Variants in ADK observed in about 807,000 individuals in gnomAD.
The protein encoded by ADK is adenosine kinase.
Under a neutral mutation model 44.7 loss-of-function variants are expected in ADK, and 24 were observed. That is an observed-to-expected ratio of 0.54 (90% CI 0.39 to 0.76). The LOEUF (loss-of-function observed/expected upper bound fraction) is 0.76. Among genes scored for constraint, ADK ranks in the 30% least tolerant of loss-of-function variants. The probability of loss-of-function intolerance (pLI) is 0.00; values close to 1 mark genes in which losing one functional copy is unlikely to be tolerated. For synonymous variants in ADK, 128 were observed against 142.6 expected, an observed-to-expected ratio of 0.90 and a Z score of 0.73; for missense variants, 321 against 425.1, an observed-to-expected ratio of 0.76 and a Z score of 2.15.
intron 6 of ADK, among the ~76,000 whole-genome samples, chr10:74,470,040 T>TC (rs1846507923): frequency 6.6e-6 from 1 of 150,998 alleles, no homozygotes. Flanking sequence ...TTTTTTTTTT[T>TC]TTGAGATGGA....
Position 74,247,843 on chromosome 10 carries a change from T to C in ADK, c.194+23252T>C, listed in dbSNP as rs143417273. On this transcript the variant is annotated intron_variant, in intron 3 of 10. Transcript: ENST00000539909. ...CTTTTTTCCTTTTTTTCCCCCCTTC[T>C]TCAACAACAAAACATTGGTTACAAG... Among the ~76,000 whole-genome samples the C allele has an allele frequency of 5.4e-3, 828 of 152,264 alleles. 9 individuals are homozygous for C. Among genetic ancestry groups the C allele is most frequent in the African/African-American group, 0.018 (768 of 41,544 alleles).
At chr10:74,675,786 CTG>C (rs1179187988) in intron 10 of ADK, among the ~76,000 whole-genome samples, 2 of 152,096 alleles carry the variant, frequency 1.3e-5, no homozygotes, top group African/African-American at 4.8e-5. Flanking sequence ...GTAAATGAAA[CTG>C]AGAAGAAAAA....
At chr10:74,504,425 A>T (rs1422770233) in intron 6 of ADK, among the ~76,000 whole-genome samples, 3 of 152,130 alleles carry the variant, frequency 2.0e-5, no homozygotes, top group Non-Finnish European at 4.4e-5. Flanking sequence ...TTGAAAATCC[A>T]TGTATAACTT....
intron 7 of ADK, among the ~76,000 whole-genome samples, chr10:74,573,305 C>T (rs1449997902): frequency 1.3e-5 from 2 of 152,200 alleles, no homozygotes; most frequent in African/African-American, 4.8e-5. Context: ...GCAGCGGTGG[C>T]TGCAGAACAG....
intron 6 of ADK, among the ~76,000 whole-genome samples, chr10:74,405,239 T>C (rs536947180): frequency 6.6e-6 from 1 of 152,022 alleles, no homozygotes; most frequent in South Asian, 2.1e-4. Context: ...CACTAAGGGG[T>C]CCCTAATCTC....
chr10:74,594,336 A>T (rs74495698), intron 8 of ADK, among the ~76,000 whole-genome samples: 239 of 151,940 alleles, frequency 1.6e-3, no homozygotes, highest in African/African-American at 5.1e-3. Context: ...AAGTATGATT[A>T]AAAAAAATTT....
chr10:74,165,557 A>G (rs1203210508), intron 1 of ADK, among the ~76,000 whole-genome samples: 2 of 151,608 alleles, frequency 1.3e-5, no homozygotes, highest in Non-Finnish European at 2.9e-5. Context: ...TTTCTTATTG[A>G]TCTCCACAAG....
At chr10:74,171,021 G>A (rs897252251) in intron 1 of ADK, among the ~76,000 whole-genome samples, 8 of 151,796 alleles carry the variant, frequency 5.3e-5, no homozygotes, top group Non-Finnish European at 1.2e-4. Context: ...ACACAGTCAA[G>A]TTCATACTCT....
At chr10:74,163,880 A>C (rs1841966218) in intron 1 of ADK, among the ~76,000 whole-genome samples, 1 of 152,214 alleles carries the variant, frequency 6.6e-6, no homozygotes. Context: ...TGACTGAGGA[A>C]GTCTTCTCCT....
chr10:74,656,110 C>T, intron 9 of ADK: 1 of 387,978 alleles, frequency 2.6e-6, no homozygotes. Context: ...GATTTTGAAT[C>T]CCTCTTGGAT....
At chr10:74,594,069 A>G (rs567113313) in intron 8 of ADK, among the ~76,000 whole-genome samples, 107 of 152,252 alleles carry the variant, frequency 7.0e-4, no homozygotes, top group Middle Eastern at 3.4e-3. Context: ...TATCATTCTC[A>G]GCAAACTAAC....
At chr10:74,418,404 A>G (rs1433682594) in intron 6 of ADK, among the ~76,000 whole-genome samples, 1 of 152,130 alleles carries the variant, frequency 6.6e-6, no homozygotes, top group Non-Finnish European at 1.5e-5. Context: ...TTACACAGCC[A>G]GTCTAGCTGC....
intron 6 of ADK, chr10:74,506,358 T>G (rs977623719): frequency 7.8e-6 from 2 of 257,370 alleles, no homozygotes; most frequent in South Asian, 4.1e-5. Context: ...AGCTTTTTTT[T>G]GTAATGATTT....
At chr10:74,190,113 T>C (rs1842910768) in intron 1 of ADK, among the ~76,000 whole-genome samples, 1 of 152,244 alleles carries the variant, frequency 6.6e-6, no homozygotes, top group Non-Finnish European at 1.5e-5. Context: ...GTAGAATTGC[T>C]GGGGCATGTG....
At chr10:74,177,789 C>A (rs1054885382) in intron 1 of ADK, among the ~76,000 whole-genome samples, 1 of 151,818 alleles carries the variant, frequency 6.6e-6, no homozygotes, top group Non-Finnish European at 1.5e-5. Flanking sequence ...CAGGCTCCAC[C>A]CGTCCTGGTG....
chr10:74,179,373 A>G (rs552918222), intron 1 of ADK, among the ~76,000 whole-genome samples: 2 of 152,224 alleles, frequency 1.3e-5, no homozygotes, highest in South Asian at 4.1e-4. Flanking sequence ...ACCAGGGTGC[A>G]TTCCTAGGAG....
At chr10:74,219,540 C>T (rs1245880196) in intron 2 of ADK, among the ~76,000 whole-genome samples, 2 of 152,206 alleles carry the variant, frequency 1.3e-5, no homozygotes, top group East Asian at 1.9e-4. Context: ...CTACAGAACT[C>T]TCCACCGCAA....
Position 74,296,768 on chromosome 10 carries a change from C to T in ADK, c.195-17899C>T, listed in dbSNP as rs1276609818. The stretch of plus-strand genomic sequence containing the variant: ...CTGGGACTAGAGGCTCCCGTCACCA[C>T]GCTGGGCTAATTTTTTTTTGTATTT... On this transcript the variant is annotated intron_variant, in intron 3 of 10. Coordinates refer to ENST00000539909, the MANE Select transcript of ADK (RefSeq NM_006721.4). Among the ~76,000 whole-genome samples the T allele has an allele frequency of 1.1e-4, 16 of 151,982 alleles. No individual in the cohort carries two copies. In the East Asian group the frequency reaches 1.6e-3, roughly 15 times the overall value.
In ADK at chr10:74,369,351, A is replaced by T. The variant is rs72818550; in HGVS notation, c.274-24790A>T. 2.9e-3 allele frequency among the ~76,000 whole-genome samples: 447 copies of T among 152,312 alleles called. 1 individual carries two copies. The highest frequency in any genetic ancestry group is 5.2e-3 in the Non-Finnish European group (355 of 68,030). On this transcript the variant is annotated intron_variant, in intron 4 of 10. Coordinates refer to ENST00000539909, the MANE Select transcript of ADK (RefSeq NM_006721.4). ...AGCCTCAGAGACAGAGCAGTACCAC[A>T]AAAAGAGTTAGAAGAGTTCTTTATC...
Sources: gnomAD v4.1 joint callset for allele counts (sites outside exome capture counted in the v4.1 genomes callset) on GRCh38, gnomAD v4.1.1 for gene constraint, MANE v1.5 for transcripts, NCBI Gene and HGNC (gene_info 2026-07-23, HGNC 2026-07-21) for gene names.